The following CACNA2D3 variants were observed in gnomAD, a reference collection of about 807,000 sequenced individuals.
The protein encoded by CACNA2D3 is calcium voltage-gated channel auxiliary subunit alpha2delta 3.
In CACNA2D3, 60 loss-of-function variants were observed where a neutral mutation model predicts 160.6. The observed-to-expected ratio is 0.37, with a 90% CI of 0.30 to 0.46. CACNA2D3 has a LOEUF of 0.46. Among genes scored for constraint, CACNA2D3 ranks in the 20% least tolerant of loss-of-function variants. The pLI is 1.00. For synonymous variants in CACNA2D3, 558 were observed against 492.9 expected, an observed-to-expected ratio of 1.13 and a Z score of -1.75; for missense variants, 1,205 against 1,365.0, an observed-to-expected ratio of 0.88 and a Z score of 1.85.
chr3:54,338,260 T>G (rs1256169704), intron 3 of CACNA2D3, among the ~76,000 whole-genome samples: 1 of 152,216 alleles, frequency 6.6e-6, no homozygotes. Context: ...TGCACAGGAA[T>G]AAAACACCAT....
intron 2 of CACNA2D3, among the ~76,000 whole-genome samples, chr3:54,277,532 C>T (rs1299220848): frequency 6.6e-6 from 1 of 152,090 alleles, no homozygotes; most frequent in African/African-American, 2.4e-5. Context: ...TTACTGTAGC[C>T]TTGTAGTATA....
chr3:54,277,142 G>T (rs146208383), intron 2 of CACNA2D3, among the ~76,000 whole-genome samples: 1 of 152,206 alleles, frequency 6.6e-6, no homozygotes, highest in Admixed American at 6.5e-5. Flanking sequence ...TGCCCTGCAG[G>T]ACTGGGTTGC....
intron 4 of CACNA2D3, among the ~76,000 whole-genome samples, chr3:54,450,695 A>G (rs1284693246): frequency 2.6e-5 from 4 of 151,916 alleles, no homozygotes; most frequent in Non-Finnish European, 5.9e-5. Context: ...TTCACCTTCC[A>G]CCATAGTGGA....
chr3:54,239,531 C>G (rs1245109667), intron 2 of CACNA2D3, among the ~76,000 whole-genome samples: 1 of 152,104 alleles, frequency 6.6e-6, no homozygotes, highest in African/African-American at 2.4e-5. Flanking sequence ...CTGTTGTGAC[C>G]CCTGTTGCCA....
intron 2 of CACNA2D3, among the ~76,000 whole-genome samples, chr3:54,292,677 A>C (rs1391522292): frequency 2.6e-5 from 4 of 152,228 alleles, no homozygotes; most frequent in African/African-American, 9.6e-5. Flanking sequence ...GTCAGATACT[A>C]AGTGTTGGCA....
chr3:54,929,881 C>G (rs1701142392), intron 27 of CACNA2D3, among the ~76,000 whole-genome samples: 1 of 152,158 alleles, frequency 6.6e-6, no homozygotes, highest in African/African-American at 2.4e-5. Flanking sequence ...TTTATCATAA[C>G]ACAACAAACA....
chr3:54,219,382 G>A (rs901544679), intron 2 of CACNA2D3, among the ~76,000 whole-genome samples: 5 of 152,156 alleles, frequency 3.3e-5, no homozygotes, highest in African/African-American at 1.2e-4. Context: ...CATTTGGGCT[G>A]GGATTCCTGC....
At chr3:54,882,074 CT>C (rs1466403293) in intron 21 of CACNA2D3, among the ~76,000 whole-genome samples, 1 of 152,208 alleles carries the variant, frequency 6.6e-6, no homozygotes, top group African/African-American at 2.4e-5. Flanking sequence ...TGTGGTCTCT[CT>C]TCCCAGAGAC....
chr3:54,461,013 T>G (rs1317710161), intron 4 of CACNA2D3, among the ~76,000 whole-genome samples: 1 of 152,124 alleles, frequency 6.6e-6, no homozygotes, highest in Non-Finnish European at 1.5e-5. Flanking sequence ...CAAAGGCCTT[T>G]TCTGCATCTA....
chr3:54,836,495 A>G (rs1464013014), intron 14 of CACNA2D3, among the ~76,000 whole-genome samples: 2 of 151,908 alleles, frequency 1.3e-5, no homozygotes, highest in African/African-American at 4.8e-5. Context: ...TGGCCTCCCA[A>G]AGTGCTGGGA....
At chr3:54,368,250 G>A (rs781511224) in intron 3 of CACNA2D3, among the ~76,000 whole-genome samples, 2 of 152,146 alleles carry the variant, frequency 1.3e-5, no homozygotes, top group Non-Finnish European at 2.9e-5. Context: ...TGGGAGGATC[G>A]CTTGAGCCCG....
At chr3:54,265,627 G>C (rs1342639951) in intron 2 of CACNA2D3, among the ~76,000 whole-genome samples, 12 of 141,974 alleles carry the variant, frequency 8.5e-5, no homozygotes, top group African/African-American at 3.4e-4. Context: ...TATATATATA[G>C]TGTGTATATA....
At chr3:54,795,138 C>T (rs769868447) in intron 13 of CACNA2D3, among the ~76,000 whole-genome samples, 11 of 151,958 alleles carry the variant, frequency 7.2e-5, no homozygotes, top group South Asian at 2.1e-4. Flanking sequence ...GTCTTCAGGC[C>T]GATTACTTCT....
chr3:54,285,778 C>G (rs567202060), intron 2 of CACNA2D3, among the ~76,000 whole-genome samples: 1 of 152,168 alleles, frequency 6.6e-6, no homozygotes, highest in Non-Finnish European at 1.5e-5. Flanking sequence ...CACCAAAATC[C>G]GCTGTTCTGC....
chr3:54,298,181 G>A (rs1426662345), intron 2 of CACNA2D3, among the ~76,000 whole-genome samples: 1 of 152,222 alleles, frequency 6.6e-6, no homozygotes, highest in Admixed American at 6.5e-5. Flanking sequence ...GGATGAGTGG[G>A]AGTTGGCTAG....
At chr3:54,371,747 A>G (rs1246668077) in intron 3 of CACNA2D3, among the ~76,000 whole-genome samples, 1 of 152,254 alleles carries the variant, frequency 6.6e-6, no homozygotes, top group Admixed American at 6.5e-5. Flanking sequence ...ACATAAAATC[A>G]AGAAACTTCT....
intron 35 of CACNA2D3, among the ~76,000 whole-genome samples, chr3:55,067,117 C>T (rs750544498): frequency 2.6e-5 from 4 of 150,996 alleles, no homozygotes; most frequent in Non-Finnish European, 4.4e-5. Flanking sequence ...GGGCTTTTCT[C>T]CTCTCAGTGT....
At chr3:54,890,204 A>C (rs779105926) in intron 24 of CACNA2D3, among the ~76,000 whole-genome samples, 1 of 152,168 alleles carries the variant, frequency 6.6e-6, no homozygotes, top group African/African-American at 2.4e-5. Flanking sequence ...GGATAAAATT[A>C]TGTGTTTGTG....
intron 4 of CACNA2D3, among the ~76,000 whole-genome samples, chr3:54,435,943 G>C (rs1284293705): frequency 6.6e-6 from 1 of 152,052 alleles, no homozygotes; most frequent in Non-Finnish European, 1.5e-5. Context: ...CCAAAATTAA[G>C]AAAAAACCTC....
Sources: gnomAD v4.1 joint callset for allele counts (sites outside exome capture counted in the v4.1 genomes callset) on GRCh38, gnomAD v4.1.1 for gene constraint, MANE v1.5 for transcripts, NCBI Gene and HGNC (gene_info 2026-07-23, HGNC 2026-07-21) for gene names.